CRMP1: variants seen among roughly 807,000 people sequenced by gnomAD.
The protein encoded by CRMP1 is dihydropyrimidinase-related protein 1.
In CRMP1, 19 loss-of-function variants were observed where a neutral mutation model predicts 68.3. The ratio of observed to expected loss-of-function variants is 0.28; its 90% CI spans 0.19 to 0.41. The LOEUF (loss-of-function observed/expected upper bound fraction) is 0.41. Ranked by LOEUF, CRMP1 falls within the 10% of genes least tolerant of loss-of-function variation. The pLI is 1.00. For missense variants in CRMP1, 791 were observed against 967.4 expected (o/e 0.82, Z 2.42); for synonymous variants, 439 against 399.6 (o/e 1.10, Z -1.18).
chr4:5,890,424 C>G lies in CRMP1; in HGVS notation c.381+2165G>C, dbSNP rs975867910. Among the ~76,000 whole-genome samples, 6 of 151,366 alleles carry G rather than the reference C, an allele frequency of 4.0e-5. No individual in the cohort carries two copies. The highest frequency in any genetic ancestry group is 1.5e-4 in the African/African-American group (6 of 41,266). ...GCAGCCCAGGGAGAAGCCTGGTGGGCGGGGGGGGAAGGGCCGGGGCACCCG... is the reference window on the plus strand; with the variant it reads ...GCAGCCCAGGGAGAAGCCTGGTGGGGGGGGGGGGAAGGGCCGGGGCACCCG... On this transcript the variant is annotated intron_variant, in intron 1 of 13. Transcript: ENST00000324989. This position sits in a 1 kb window ranked among gnomAD's most constrained non-coding sequence, Gnocchi z 5.5.
At chr4:5,876,846 A>C (rs1433021679) in intron 1 of CRMP1, among the ~76,000 whole-genome samples, 2 of 151,896 alleles carry the variant, frequency 1.3e-5, no homozygotes, top group Non-Finnish European at 2.9e-5. Context: ...TTTTATCAAG[A>C]TATTCATTCA....
Position 5,872,796 on chromosome 4 carries a change from C to T in CRMP1, c.382-6040G>A, listed in dbSNP as rs1429430172. Among the ~76,000 whole-genome samples, 8 of 152,206 alleles carry T rather than the reference C, an allele frequency of 5.3e-5. No individual in the cohort carries two copies. Among genetic ancestry groups the T allele is most frequent in the Non-Finnish European group, 7.3e-5 (5 of 68,036 alleles). On this transcript the variant is annotated intron_variant, in intron 1 of 13. Coordinates refer to ENST00000324989, the MANE Select transcript of CRMP1 (RefSeq NM_001014809.3). The surrounding 1 kb of genome is among the most constrained non-coding windows in gnomAD (Gnocchi z 4.6). The stretch of plus-strand genomic sequence containing the variant: ...GCTAGGGCATGTCAGAGATACAGTT[C>T]GTTCCACAGCGACAGCAATGACCTT...
chr4:5,881,570 T>C lies in CRMP1; in HGVS notation c.381+11019A>G, dbSNP rs1383220920. Among the ~76,000 whole-genome samples, 1 of 152,114 alleles carries C rather than the reference T, an allele frequency of 6.6e-6. No homozygotes were observed. The highest frequency in any genetic ancestry group is 2.4e-5 in the African/African-American group (1 of 41,422). Reference sequence around the variant, plus strand: ...GTGGTGCTGTCCACTGCCCCGACCATGTTCTTTTATATGCTCTCACGGCAA... The same window carrying C: ...GTGGTGCTGTCCACTGCCCCGACCACGTTCTTTTATATGCTCTCACGGCAA... On this transcript the variant is annotated intron_variant, in intron 1 of 13. Coordinates refer to ENST00000324989, the MANE Select transcript of CRMP1 (RefSeq NM_001014809.3). The surrounding 1 kb of genome is among the most constrained non-coding windows in gnomAD (Gnocchi z 4.6).
At chr4:5,874,252 C>T (rs944278998) in intron 1 of CRMP1, among the ~76,000 whole-genome samples, 1 of 152,206 alleles carries the variant, frequency 6.6e-6, no homozygotes, top group African/African-American at 2.4e-5. Context: ...TCAGCTACTA[C>T]AGCTACTCAA....
In CRMP1 at chr4:5,881,784, G is replaced by A. The variant is rs182632734; in HGVS notation, c.381+10805C>T. ...CAAAATTTAGCCACACATCGGCAGA[G>A]AATTTTTTTGAGTACACCACTGTGC... On this transcript the variant is annotated intron_variant, in intron 1 of 13. Coordinates refer to ENST00000324989, the MANE Select transcript of CRMP1 (RefSeq NM_001014809.3). The surrounding 1 kb of genome is among the most constrained non-coding windows in gnomAD (Gnocchi z 4.6). Among the ~76,000 whole-genome samples the A allele has an allele frequency of 6.6e-6, 1 of 152,126 alleles. No homozygotes were observed. The highest frequency in any genetic ancestry group is 1.5e-5 in the Non-Finnish European group (1 of 68,018).
chr4:5,829,906 G>A (rs989598986), intron 11 of CRMP1, among the ~76,000 whole-genome samples: 1 of 152,228 alleles, frequency 6.6e-6, no homozygotes, highest in Non-Finnish European at 1.5e-5. Flanking sequence ...GGGCCAAAGA[G>A]TAAATGGATT....
At position 5,835,997 on chromosome 4, in the gene CRMP1, C is replaced by T; in HGVS notation, c.1541G>A (p.Arg514Gln). Residue 514 changes from arginine to glutamine, a missense_variant, in exon 11 of 14, where the codon CGG becomes CAG. Arg to Gln is a conservative substitution (Grantham distance 43, BLOSUM62 1). This residue lies in a region of CRMP1 where 594 missense variants were observed against 763.6 expected (regional missense o/e 0.78). Transcript: ENST00000324989. ...GTCGGCATCCGAGCCCACGGCAATC[C>T]GCCCTTTCCTTGGGTACAGGTTAAA... ...KIFNLYPRKGRIAVGSDADVV... is the reference protein window; with the variant it reads ...KIFNLYPRKGQIAVGSDADVV... 1.9e-6 allele frequency: 3 copies of T among 1,606,400 alleles called. No homozygotes were observed. Among genetic ancestry groups the T allele is most frequent in the Non-Finnish European group, 2.6e-6 (3 of 1,176,346 alleles).
rs1227423458 is a variant in CRMP1 at position 5,854,500 on chromosome 4, C to T, written c.820+1643G>A. On this transcript the variant is annotated intron_variant, in intron 4 of 13. Coordinates refer to ENST00000324989, the MANE Select transcript of CRMP1 (RefSeq NM_001014809.3). This position sits in a 1 kb window ranked among gnomAD's most constrained non-coding sequence, Gnocchi z 4.0. ...CCTCAAGCAATCCTCCCTCCTCAGC[C>T]TCCCGAAGTGCTAGGATTACAGGCA... is the stretch of plus-strand genomic sequence containing the variant. 6.6e-6 allele frequency among the ~76,000 whole-genome samples: 1 copy of T among 151,364 alleles called. No individual in the cohort carries two copies. The highest frequency in any genetic ancestry group is 2.4e-5 in the African/African-American group (1 of 41,072).
rs1442316577 is a variant in CRMP1, at chr4:5,855,772, G to A, written c.820+371C>T. ...GCACTGGGCAGGCAGAGGAGAAAGG[G>A]CATTCATTCCTGGCAGGGGATCCAC... On this transcript the variant is annotated intron_variant, in intron 4 of 13. Coordinates refer to ENST00000324989, the MANE Select transcript of CRMP1 (RefSeq NM_001014809.3). This position sits in a 1 kb window ranked among gnomAD's most constrained non-coding sequence, Gnocchi z 4.9. 6.6e-6 allele frequency among the ~76,000 whole-genome samples: 1 copy of A among 152,172 alleles called. No individual in the cohort carries two copies. The highest frequency in any genetic ancestry group is 2.4e-5 in the African/African-American group (1 of 41,422).
At chr4:5,832,373 C>A (rs375338591) in intron 11 of CRMP1, among the ~76,000 whole-genome samples, 1 of 152,224 alleles carries the variant, frequency 6.6e-6, no homozygotes, top group Non-Finnish European at 1.5e-5. Context: ...GATATACAAA[C>A]ATGTATGCAT....
rs779599234 is a variant in CRMP1 at position 5,881,618 on chromosome 4, A to G, written c.381+10971T>C. The stretch of plus-strand genomic sequence containing the variant: ...CAAAGTCCTCCGGTGTTCCTCTTCC[A>G]TGGCAAGAGCTGACTTTTACTTACA... On this transcript the variant is annotated intron_variant, in intron 1 of 13. Coordinates refer to ENST00000324989, the MANE Select transcript of CRMP1 (RefSeq NM_001014809.3). The surrounding 1 kb of genome is among the most constrained non-coding windows in gnomAD (Gnocchi z 4.6). Among the ~76,000 whole-genome samples, 21 of 152,246 alleles carry G rather than the reference A, an allele frequency of 1.4e-4. No individual in the cohort carries two copies. Among genetic ancestry groups the G allele is most frequent in the Non-Finnish European group, 2.6e-4 (18 of 68,022 alleles).
chr4:5,845,333 G>A (rs549157909), intron 6 of CRMP1, among the ~76,000 whole-genome samples: 3 of 152,318 alleles, frequency 2.0e-5, no homozygotes, highest in South Asian at 2.1e-4. Flanking sequence ...TCTGGCTTCC[G>A]ACCTGCTCAC....
intron 1 of CRMP1, among the ~76,000 whole-genome samples, chr4:5,885,787 TCTC>T (rs1408641891): frequency 6.6e-6 from 1 of 152,168 alleles, no homozygotes; most frequent in East Asian, 1.9e-4. Context: ...AACCCATTCA[TCTC>T]CTTCCCACTC....
chr4:5,838,711 G>A lies in CRMP1; in HGVS notation c.1310+811C>T, dbSNP rs902411406. On this transcript the variant is annotated intron_variant, in intron 9 of 13. Transcript: ENST00000324989. The surrounding 1 kb of genome is among the most constrained non-coding windows in gnomAD (Gnocchi z 4.9). ...AAGCCCTTGGCTACGCTAGTCAAAG[G>A]TTTCTGTATCATCAGGGGGATGGTG... 2.6e-5 allele frequency among the ~76,000 whole-genome samples: 4 copies of A among 152,128 alleles called. No homozygotes were observed. The highest frequency in any genetic ancestry group is 4.1e-4 in the South Asian group (2 of 4,824).
rs1271550334 is a variant in CRMP1 at position 5,861,082 on chromosome 4, G to A, written c.599C>T (p.Ala200Val). The A allele has an allele frequency of 6.2e-7, 1 of 1,614,204 alleles. No individual in the cohort carries two copies. Among genetic ancestry groups the A allele is most frequent in the African/African-American group, 1.3e-5 (1 of 75,050 alleles). ...CCTGGTCCCTTGGAAGAAGTCATCA[G>A]CCGCAGTCATCCCCTGGGAGGGCTT... ...LQKPSQGMTA[A>V]DDFFQGTRAA... Residue 200 changes from alanine (A) to valine (V), a missense_variant, in exon 3 of 14, where the codon GCT (alanine) becomes GTT (valine). This residue lies in a region of CRMP1 where 594 missense variants were observed against 763.6 expected (regional missense o/e 0.78). Transcript: ENST00000324989. The surrounding 1 kb of genome is among the most constrained non-coding windows in gnomAD (Gnocchi z 6.0).
At position 5,889,670 on chromosome 4, in the gene CRMP1, C is replaced by G. The variant is rs1385940061; in HGVS notation, c.381+2919G>C. 3 of 1,536,046 alleles carry G rather than the reference C, an allele frequency of 2.0e-6. No individual in the cohort carries two copies. The highest frequency in any genetic ancestry group is 2.7e-5 in the African/African-American group (2 of 73,052). On this transcript the variant is annotated intron_variant, in intron 1 of 13. Coordinates refer to ENST00000324989, the MANE Select transcript of CRMP1 (RefSeq NM_001014809.3). The surrounding 1 kb of genome is among the most constrained non-coding windows in gnomAD (Gnocchi z 4.5). Reference sequence around the variant, plus strand: ...TCATTTTCTGCATGCGAAATCCAACCCCACAGGTCCTATGAAACTACTCAT... The same window carrying G: ...TCATTTTCTGCATGCGAAATCCAACGCCACAGGTCCTATGAAACTACTCAT...
intron 1 of CRMP1, chr4:5,887,464 G>A: frequency 1.0e-6 from 1 of 985,498 alleles, no homozygotes; most frequent in Non-Finnish European, 1.2e-6. Context: ...GGGGCGGAGG[G>A]CCAGCTCCTG....
At chr4:5,839,875 C>T (rs554155860) in intron 8 of CRMP1, among the ~76,000 whole-genome samples, 197 bp from the exon 9 acceptor site, 4 of 152,360 alleles carry the variant, frequency 2.6e-5, no homozygotes, top group African/African-American at 9.6e-5. Flanking sequence ...ACATTGTCGG[C>T]GCCCCGCCAC....
chr4:5,839,758 T>C, intron 8 of CRMP1, 80 bp from the exon 9 acceptor site: 1 of 1,451,448 alleles, frequency 6.9e-7, no homozygotes, highest in Non-Finnish European at 9.3e-7. Flanking sequence ...ATTGGAAGAC[T>C]GTGGAGGGAG....
Sources: allele counts gnomAD v4.1 joint callset (sites outside exome capture counted in the v4.1 genomes callset), GRCh38; gene constraint gnomAD v4.1.1; regional missense constraint gnomAD v4.1.1; non-coding constraint Gnocchi (gnomAD v3.1); transcripts MANE v1.5; gene names NCBI Gene and HGNC (gene_info 2026-07-23, HGNC 2026-07-21).